The following SLC25A26 variants were observed in gnomAD, a reference collection of about 807,000 sequenced individuals.
The protein encoded by SLC25A26 is mitochondrial S-adenosylmethionine carrier protein.
SLC25A26 carries 36 observed loss-of-function variants against 37.8 expected under a neutral mutation model. The ratio of observed to expected loss-of-function variants is 0.95; its 90% CI spans 0.73 to 1.26. The LOEUF is 1.26. SLC25A26 is among the 50% of genes most tolerant of loss of function. SLC25A26 has a pLI of 0.00. For synonymous variants in SLC25A26, 129 were observed against 122.5 expected, an observed-to-expected ratio of 1.05 and a Z score of -0.35; for missense variants, 390 against 331.1, an observed-to-expected ratio of 1.18 and a Z score of -1.38.
intron 9 of SLC25A26, chr3:66,371,168 T>G: frequency 6.9e-7 from 1 of 1,454,490 alleles, no homozygotes; most frequent in South Asian, 1.5e-5. Context: ...TGTTGAGATC[T>G]TACAGGCATG....
intron 1 of SLC25A26, among the ~76,000 whole-genome samples, chr3:66,227,543 A>G (rs1377529457): frequency 2.0e-5 from 3 of 152,224 alleles, no homozygotes; most frequent in Non-Finnish European, 2.9e-5. Context: ...CCAGTTACTC[A>G]TAGTTAATAT....
intron 5 of SLC25A26, among the ~76,000 whole-genome samples, chr3:66,275,365 C>T (rs1051434645): frequency 6.6e-6 from 1 of 151,738 alleles, no homozygotes; most frequent in Non-Finnish European, 1.5e-5. Context: ...CTAACCTGCA[C>T]ATTGTGCACA....
intron 5 of SLC25A26, among the ~76,000 whole-genome samples, chr3:66,309,386 A>G (rs192295354): frequency 2.4e-4 from 36 of 151,860 alleles, no homozygotes; most frequent in Admixed American, 3.9e-4. Context: ...TATTGTGTCT[A>G]TTTGATTCTT....
rs138130810 is a variant in SLC25A26 at position 66,377,574 on chromosome 3, G to C, written c.708-116G>C. On this transcript the variant is annotated intron_variant, in intron 9 of 9. Coordinates refer to ENST00000354883, the MANE Select transcript of SLC25A26 (RefSeq NM_001379210.1). ...CCTTATTTGGGAGCGTTCACAAGCT[G>C]TTTGGTAGTTAGCCACTAATGAGCA... The C allele has an allele frequency of 1.2e-5, 9 of 736,410 alleles. No homozygotes were observed. In the East Asian group the frequency reaches 1.8e-4, roughly 14 times the overall value. The allele number at this position is 736,410 out of a possible 1,614,324, so 45.6% of individuals were successfully genotyped here.
At chr3:66,235,654 A>G (rs1459720322) in intron 1 of SLC25A26, among the ~76,000 whole-genome samples, 1 of 152,234 alleles carries the variant, frequency 6.6e-6, no homozygotes, top group Admixed American at 6.5e-5. Context: ...TTATTAGTTA[A>G]GACAACAATA....
chr3:66,346,307 C>T (rs2076321049), intron 5 of SLC25A26, 57 bp from the exon 6 acceptor site: 3 of 862,294 alleles, frequency 3.5e-6, no homozygotes, highest in South Asian at 3.6e-5. Flanking sequence ...TATAGTCATA[C>T]AGGCAAACTT....
At chr3:66,190,347 C>T (rs2070915590) in intron 1 of SLC25A26, among the ~76,000 whole-genome samples, 1 of 151,636 alleles carries the variant, frequency 6.6e-6, no homozygotes, top group African/African-American at 2.4e-5. Flanking sequence ...AAGAAAGAAA[C>T]TGCAGTTGAG....
chr3:66,312,571 C>T (rs900923936), intron 5 of SLC25A26, among the ~76,000 whole-genome samples: 10 of 151,982 alleles, frequency 6.6e-5, no homozygotes, highest in South Asian at 4.2e-4. Flanking sequence ...AACTCCTGCA[C>T]CTAGCTCTGC....
intron 1 of SLC25A26, among the ~76,000 whole-genome samples, chr3:66,149,471 G>A (rs2070168432): frequency 6.6e-6 from 1 of 152,170 alleles, no homozygotes; most frequent in East Asian, 1.9e-4. Context: ...GTTACTTTGA[G>A]GTATATTTCT....
At chr3:66,248,228 C>T (rs1232822110) in intron 3 of SLC25A26, among the ~76,000 whole-genome samples, 1 of 152,182 alleles carries the variant, frequency 6.6e-6, no homozygotes, top group Non-Finnish European at 1.5e-5. Flanking sequence ...ACTATAATTA[C>T]AACCTTCTAC....
At chr3:66,346,233 C>T in intron 5 of SLC25A26, 131 bp from the exon 6 acceptor site, 2 of 507,700 alleles carry the variant, frequency 3.9e-6, no homozygotes, top group Non-Finnish European at 6.9e-6. Context: ...ATTATGTCTA[C>T]TATAACTGTG....
At chr3:66,311,864 G>A (rs554125644) in intron 5 of SLC25A26, among the ~76,000 whole-genome samples, 1 of 152,230 alleles carries the variant, frequency 6.6e-6, no homozygotes, top group East Asian at 1.9e-4. Context: ...TCCTCTGAAA[G>A]CTTTGTCCCA....
intron 1 of SLC25A26, among the ~76,000 whole-genome samples, chr3:66,169,749 T>C (rs1267456595): frequency 1.3e-5 from 2 of 152,236 alleles, no homozygotes; most frequent in Non-Finnish European, 2.9e-5. Flanking sequence ...CATGCAGATA[T>C]TAGTTTTTTA....
At chr3:66,136,673 G>T (rs1054349910) in intron 1 of SLC25A26, among the ~76,000 whole-genome samples, 1 of 152,200 alleles carries the variant, frequency 6.6e-6, no homozygotes, top group Non-Finnish European at 1.5e-5. Context: ...GCTTTCAGCC[G>T]CTAGGTTTCT....
In SLC25A26 at chr3:66,187,033, G is replaced by T. The variant is rs1014518646; in HGVS notation, c.-353-33709G>T. Among the ~76,000 whole-genome samples the T allele has an allele frequency of 1.3e-4, 19 of 151,610 alleles. 1 individual carries two copies. The highest frequency in any genetic ancestry group is 4.4e-4 in the African/African-American group (18 of 41,234). ...TGACACTCAAGCTGACCATGATATGGATACTATTCTCACATCAGCCCTGAT... is the reference window on the plus strand; with the variant it reads ...TGACACTCAAGCTGACCATGATATGTATACTATTCTCACATCAGCCCTGAT... On this transcript the variant is annotated intron_variant, in intron 1 of 10. Coordinates refer to the SLC25A26 transcript ENST00000676754.
chr3:66,356,104 A>G (rs1361403114), intron 6 of SLC25A26: 3 of 456,074 alleles, frequency 6.6e-6, no homozygotes, highest in Non-Finnish European at 1.3e-5. Context: ...TGTTCACTGG[A>G]GCCAAAACAG....
intron 1 of SLC25A26, among the ~76,000 whole-genome samples, chr3:66,146,683 G>A (rs1271127204): frequency 1.3e-5 from 2 of 152,094 alleles, no homozygotes; most frequent in Non-Finnish European, 2.9e-5. Context: ...GCACATTCAG[G>A]ATTTTTTTAA....
At chr3:66,299,213 G>A (rs1020461184) in intron 5 of SLC25A26, among the ~76,000 whole-genome samples, 4 of 151,816 alleles carry the variant, frequency 2.6e-5, no homozygotes, top group Admixed American at 2.0e-4. Context: ...TTTTTTTGAG[G>A]CAAAGTTTCC....
chr3:66,321,686 A>G (rs2075697404), intron 5 of SLC25A26, among the ~76,000 whole-genome samples: 1 of 151,902 alleles, frequency 6.6e-6, no homozygotes, highest in Non-Finnish European at 1.5e-5. Context: ...AAGTTGAGTT[A>G]ACATTTTTCA....
Sources: gnomAD v4.1 joint callset for allele counts (sites outside exome capture counted in the v4.1 genomes callset) on GRCh38, gnomAD v4.1.1 for gene constraint, MANE v1.5 for transcripts, NCBI Gene and HGNC (gene_info 2026-07-23, HGNC 2026-07-21) for gene names.